Variants in CHM observed in about 807,000 individuals in gnomAD.
CHM encodes rab proteins geranylgeranyltransferase component A 1.
CHM carries 10 observed loss-of-function variants against 49.0 expected under a neutral mutation model. That is an observed-to-expected ratio of 0.20 (90% CI 0.13 to 0.35). The LOEUF is 0.35. Among genes scored for constraint, CHM ranks in the 10% least tolerant of loss-of-function variants. The probability of loss-of-function intolerance (pLI) is 1.00; values close to 1 mark genes in which losing one functional copy is unlikely to be tolerated. For synonymous variants in CHM, 184 were observed against 167.5 expected, an observed-to-expected ratio of 1.10 and a Z score of -0.76; for missense variants, 455 against 478.4, an observed-to-expected ratio of 0.95 and a Z score of 0.46.
chrX:85,991,826 C>T (rs1418277183), intron 2 of CHM, among the ~76,000 whole-genome samples: 1 of 110,720 alleles, frequency 9.0e-6, no homozygotes, highest in Admixed American at 9.7e-5. Context: ...TGGCTTAATC[C>T]ATGTTAAGTA....
intron 12 of CHM, among the ~76,000 whole-genome samples, chrX:85,891,519 C>A (rs1278125221): frequency 1.8e-5 from 2 of 112,382 alleles, no homozygotes; most frequent in Non-Finnish European, 3.8e-5. Context: ...AGGTGCAAGC[C>A]CCAAGCCTTG....
At chrX:85,890,656 T>C (rs1925382943) in intron 12 of CHM, among the ~76,000 whole-genome samples, 1 of 112,320 alleles carries the variant, frequency 8.9e-6, no homozygotes, top group South Asian at 3.7e-4. Flanking sequence ...CCTCAGCCTA[T>C]GGAACTGTAA....
At chrX:86,014,187 G>A (rs1933195275) in intron 2 of CHM, among the ~76,000 whole-genome samples, 1 of 111,865 alleles carries the variant, frequency 8.9e-6, no homozygotes, top group South Asian at 3.7e-4. Flanking sequence ...ATAAAAGAAT[G>A]AGAAGATCCA....
rs1284378299 is a variant in CHM, at chrX:85,981,206, C to CTATATATATA, written c.189+521_189+530dup. Among the ~76,000 whole-genome samples, 21 of 54,359 alleles carry CTATATATATA rather than the reference C, an allele frequency of 3.9e-4. 2 individuals are homozygous for CTATATATATA. Among genetic ancestry groups the CTATATATATA allele is most frequent in the African/African-American group, 1.2e-3 (20 of 16,599 alleles). The allele number at this position is 54,359 out of a possible 115,157, so 47.2% of individuals were successfully genotyped here. A position where few individuals can be genotyped will look rare whatever the true frequency, so the allele number is the denominator to read the frequency against. On this transcript the variant is annotated intron_variant, in intron 3 of 14. Transcript: ENST00000357749. ...TACTCTTCAACCAACATTTCTATTT[C>CTATATATATA]TATATATATATATAGACACACATAT...
At chrX:85,917,574 G>T (rs1024955791) in intron 8 of CHM, among the ~76,000 whole-genome samples, 14 of 111,494 alleles carry the variant, frequency 1.3e-4, no homozygotes, top group African/African-American at 4.2e-4. Context: ...GATTGAAATG[G>T]CTGAAATGAC....
At chrX:86,039,772 A>G (rs1048218882) in intron 1 of CHM, among the ~76,000 whole-genome samples, 2 of 111,375 alleles carry the variant, frequency 1.8e-5, no homozygotes, top group Non-Finnish European at 3.8e-5. Context: ...CTCAGCCAGC[A>G]GAGAGAAGAG....
intron 4 of CHM, among the ~76,000 whole-genome samples, chrX:85,973,247 C>T (rs1462563399): frequency 2.3e-5 from 2 of 85,948 alleles, no homozygotes; most frequent in African/African-American, 9.4e-5. Flanking sequence ...TGCAATGAAC[C>T]GAGATCACGC....
chrX:85,929,688 A>AT (rs1217843984), intron 8 of CHM, among the ~76,000 whole-genome samples: 2 of 112,268 alleles, frequency 1.8e-5, no homozygotes, highest in Non-Finnish European at 3.8e-5. Context: ...TTAACTTTTC[A>AT]TTTAATAAAA....
intron 1 of CHM, among the ~76,000 whole-genome samples, chrX:86,046,340 T>C (rs1406660296): frequency 4.4e-5 from 5 of 112,558 alleles, no homozygotes; most frequent in Non-Finnish European, 9.4e-5. Flanking sequence ...AAGTCCCCTT[T>C]TCCTCTTCTA....
intron 11 of CHM, among the ~76,000 whole-genome samples, chrX:85,898,497 C>T (rs1417903125): frequency 9.0e-6 from 1 of 111,587 alleles, no homozygotes; most frequent in Non-Finnish European, 1.9e-5. Context: ...GAAATATATA[C>T]TAATCTTTTA....
intron 14 of CHM, among the ~76,000 whole-genome samples, chrX:85,865,976 TA>T (rs1372865395): frequency 2.0e-4 from 23 of 112,438 alleles, no homozygotes; most frequent in African/African-American, 7.4e-4. Context: ...AACTTATGTT[TA>T]AAAGGGAAGC....
intron 3 of CHM, among the ~76,000 whole-genome samples, chrX:85,980,400 TTCTC>T (rs1466440469): frequency 5.3e-5 from 6 of 112,367 alleles, no homozygotes; most frequent in African/African-American, 1.9e-4. Context: ...TACTGCTTGT[TTCTC>T]TATACTCATT....
rs776799289 is a variant in CHM at position 85,864,709 on chromosome X, G to A, written c.1883C>T (p.Ser628Phe). ...GDSLQPEASE[S>F]SAIPEANSET... is the part of the protein sequence containing the mutation. ...CGAGTTAGCCTCTGGTATGGCACTG[G>A]ATTCTGAAGCCTCTGGCTGTAAACT... The change falls in exon 15 of 15, where the codon TCC becomes TTC. Residue 628 changes from serine to phenylalanine, a missense_variant. Coordinates refer to ENST00000357749, the MANE Select transcript of CHM (RefSeq NM_000390.4). The A allele has an allele frequency of 1.5e-5, 18 of 1,207,121 alleles. No homozygotes were observed. The highest frequency in any genetic ancestry group is 2.0e-5 in the Non-Finnish European group (18 of 893,571).
At chrX:85,871,588 T>A (rs1372197188) in intron 14 of CHM, among the ~76,000 whole-genome samples, 1 of 110,709 alleles carries the variant, frequency 9.0e-6, no homozygotes, top group African/African-American at 3.3e-5. Flanking sequence ...TACAACAAAT[T>A]TAAAACTGCT....
chrX:85,905,720 G>A (rs1057037726), intron 9 of CHM, among the ~76,000 whole-genome samples: 6 of 111,423 alleles, frequency 5.4e-5, no homozygotes, highest in African/African-American at 2.0e-4. Context: ...ACAAAGGCAA[G>A]TAAGAGAACA....
intron 1 of CHM, among the ~76,000 whole-genome samples, chrX:86,039,806 C>T (rs940094453): frequency 3.6e-5 from 4 of 111,664 alleles, no homozygotes; most frequent in Middle Eastern, 9.3e-3. Context: ...TTAGAGACTA[C>T]AGCTGGACAT....
At chrX:85,981,695 C>T (rs762396143) in intron 3 of CHM, 42 bp downstream of exon 3, 17 of 970,247 alleles carry the variant, frequency 1.8e-5, no homozygotes, top group Admixed American at 2.4e-5. Flanking sequence ...ATGTAACATA[C>T]AATAAAACAA....
chrX:85,983,217 G>A (rs1374615589), intron 2 of CHM, among the ~76,000 whole-genome samples: 1 of 110,524 alleles, frequency 9.0e-6, no homozygotes, highest in Admixed American at 9.8e-5. Context: ...TACATCTGAT[G>A]GTCTCTTCGG....
intron 2 of CHM, among the ~76,000 whole-genome samples, chrX:86,008,552 A>G (rs903147234): frequency 6.2e-5 from 7 of 112,189 alleles, no homozygotes; most frequent in Non-Finnish European, 1.3e-4. Flanking sequence ...AAATTTTAAA[A>G]TATGAATCAT....
Sources: allele counts gnomAD v4.1 joint callset (sites outside exome capture counted in the v4.1 genomes callset), GRCh38; gene constraint gnomAD v4.1.1; transcripts MANE v1.5; gene names NCBI Gene and HGNC (gene_info 2026-07-23, HGNC 2026-07-21).